Variants in ABL1 observed in about 807,000 individuals in gnomAD.
ABL1 encodes the protein ABL proto-oncogene 1, non-receptor tyrosine kinase.
ABL1 carries 11 observed loss-of-function variants against 94.7 expected under a neutral mutation model. The observed-to-expected ratio is 0.12, with a 90% CI of 0.07 to 0.19. The LOEUF (loss-of-function observed/expected upper bound fraction) is 0.19, where lower values mean the gene tolerates loss of function less well. ABL1 is among the 10% of genes least tolerant of loss of function. The probability of loss-of-function intolerance (pLI) is 1.00; values close to 1 mark genes in which losing one functional copy is unlikely to be tolerated. For synonymous variants in ABL1, 656 were observed against 622.4 expected (o/e 1.05, Z -0.80); for missense variants, 1,082 against 1,489.4 (o/e 0.73, Z 4.50).
intron 7 of ABL1, among the ~76,000 whole-genome samples, chr9:130,876,344 A>T (rs1403296708): frequency 2.0e-5 from 3 of 152,078 alleles, no homozygotes; most frequent in Non-Finnish European, 4.4e-5. Flanking sequence ...TTCATGTAGG[A>T]AGAGCAGGGT....
At chr9:130,740,814 C>T (rs535789529) in intron 1 of ABL1, among the ~76,000 whole-genome samples, 1 of 146,078 alleles carries the variant, frequency 6.8e-6, no homozygotes, top group South Asian at 2.2e-4. Context: ...CACCACCACA[C>T]CCAGATTTTT....
At chr9:130,838,889 T>C (rs1830627512) in intron 1 of ABL1, among the ~76,000 whole-genome samples, 1 of 152,158 alleles carries the variant, frequency 6.6e-6, no homozygotes. Context: ...AACTGAACTC[T>C]TCTTGAACTT....
chr9:130,817,606 T>C (rs561704733), intron 1 of ABL1, among the ~76,000 whole-genome samples: 35 of 152,348 alleles, frequency 2.3e-4, no homozygotes, highest in Non-Finnish European at 1.5e-4. Context: ...GTCTCCTTTG[T>C]TCAGTGTACT....
rs763425384 is a variant in ABL1 at position 130,884,619 on chromosome 9, C to A, written c.2329C>A (p.Arg777=). The A allele has an allele frequency of 5.0e-6, 8 of 1,613,330 alleles. No individual in the cohort carries two copies. The South Asian group carries it at 7.7e-5, about 15-fold the overall frequency. The part of the protein sequence containing the change: ...AGENRSDQVT[R]GTVTPPPRLV... The stretch of plus-strand genomic sequence containing the variant: ...GGAGAACAGGTCTGACCAGGTGACC[C>A]GAGGCACAGTAACGCCTCCCCCCAG... Residue 777 remains arginine (R), a synonymous_variant, in exon 11 of 11, where the codon CGA becomes AGA. Coordinates refer to ENST00000318560, the MANE Select transcript of ABL1 (RefSeq NM_005157.6). The surrounding 1 kb of genome is among the most constrained non-coding windows in gnomAD (Gnocchi z 5.6).
At chr9:130,869,284 C>T (rs914991994) in intron 4 of ABL1, among the ~76,000 whole-genome samples, 3 of 152,194 alleles carry the variant, frequency 2.0e-5, no homozygotes, top group Admixed American at 1.3e-4. Flanking sequence ...GCTATCTGTT[C>T]GGTCTACTCA....
intron 1 of ABL1, chr9:130,724,951 A>G (rs1831561860): frequency 3.0e-6 from 1 of 337,380 alleles, no homozygotes; most frequent in South Asian, 2.7e-5. Context: ...CATTTGCCAC[A>G]GGTAGACTTC....
chr9:130,806,128 C>T (rs1156475691), intron 1 of ABL1, among the ~76,000 whole-genome samples: 1 of 152,152 alleles, frequency 6.6e-6, no homozygotes, highest in Non-Finnish European at 1.5e-5. Flanking sequence ...CTCATGTCTA[C>T]AGAAGCTGGT....
Position 130,873,051 on chromosome 9 carries a change from C to T in ABL1, c.1085+14C>T. 2 of 1,609,764 alleles carry T rather than the reference C, an allele frequency of 1.2e-6. No individual in the cohort carries two copies. The highest frequency in any genetic ancestry group is 1.7e-6 in the Non-Finnish European group (2 of 1,177,476). On this transcript the variant is annotated intron_variant, in intron 6 of 10. Coordinates refer to ENST00000318560, the MANE Select transcript of ABL1 (RefSeq NM_005157.6). ...CTTCATCCACAGGTAGGGGCCTGGC[C>T]AGGCAGCCTGCGCCATGGAGTCACA... is the stretch of plus-strand genomic sequence containing the variant.
intron 1 of ABL1, among the ~76,000 whole-genome samples, chr9:130,808,236 TTCTTCTTCTTC>T (rs1320372378): frequency 1.8e-4 from 26 of 142,018 alleles, no homozygotes; most frequent in Admixed American, 4.9e-4. Flanking sequence ...CTTCTTCTTC[TTCTTCTTCTTC>T]TTTTTTTTTT....
At chr9:130,811,288 C>G (rs541769369) in intron 1 of ABL1, among the ~76,000 whole-genome samples, 130 of 152,034 alleles carry the variant, frequency 8.6e-4, no homozygotes, top group African/African-American at 2.9e-3. Flanking sequence ...GACCCTCTGT[C>G]TAAATAAACA....
chr9:130,751,488 T>C (rs1831966647), intron 1 of ABL1, among the ~76,000 whole-genome samples: 2 of 152,108 alleles, frequency 1.3e-5, no homozygotes, highest in African/African-American at 4.8e-5. Flanking sequence ...AGATATTATA[T>C]AGCTAACAGT....
intron 10 of ABL1, among the ~76,000 whole-genome samples, chr9:130,882,803 G>C (rs1451097902): frequency 6.6e-6 from 1 of 152,122 alleles, no homozygotes; most frequent in African/African-American, 2.4e-5. Flanking sequence ...CAAAGTGCTG[G>C]GATGACAGGC....
rs60571093 is a variant in ABL1, at chr9:130,727,751, G to GCC, written c.136+13307_136+13308dup. Among the ~76,000 whole-genome samples, 226 of 88,152 alleles carry GCC rather than the reference G, an allele frequency of 2.6e-3. 19 individuals carry two copies. Among genetic ancestry groups the GCC allele is most frequent in the African/African-American group, 8.2e-3 (111 of 13,612 alleles). The allele number at this position is 88,152 out of a possible 152,430, so 57.8% of individuals were successfully genotyped here. A position where few individuals can be genotyped will look rare whatever the true frequency, so the allele number is the denominator to read the frequency against. On this transcript the variant is annotated intron_variant, in intron 1 of 10. Transcript: ENST00000372348. ...AGCCTGGGTGACAGAGTGAGACACCGCCCCCCCCCCCCAAAAAAAAGCATT... is the reference window on the plus strand; with the variant it reads ...AGCCTGGGTGACAGAGTGAGACACCGCCCCCCCCCCCCCCAAAAAAAAGCATT...
At chr9:130,851,996 C>T (rs539424548) in intron 1 of ABL1, among the ~76,000 whole-genome samples, 1 of 152,018 alleles carries the variant, frequency 6.6e-6, no homozygotes, top group Admixed American at 6.6e-5. Context: ...CCAGGCTGGT[C>T]TCGAACTCCT....
At chr9:130,861,634 C>T (rs1368166894) in intron 3 of ABL1, among the ~76,000 whole-genome samples, 1 of 152,076 alleles carries the variant, frequency 6.6e-6, no homozygotes, top group Non-Finnish European at 1.5e-5. Context: ...CCTCTCGTCC[C>T]AAGCATCACC....
chr9:130,731,726 T>C (rs1831669085), intron 1 of ABL1, among the ~76,000 whole-genome samples: 1 of 152,214 alleles, frequency 6.6e-6, no homozygotes, highest in Non-Finnish European at 1.5e-5. Flanking sequence ...AATATTGTCT[T>C]GGCTTGCTCC....
Position 130,854,707 on chromosome 9 carries a change from T to C in ABL1, c.254-94T>C, listed in dbSNP as rs1830945854. On this transcript the variant is annotated intron_variant, in intron 2 of 10. Transcript: ENST00000318560. ...TTAAAATGAAATTGGTATTTAGGAA[T>C]TTGGAGATTTTTAGTAGTTACACAA... 9.2e-6 allele frequency: 12 copies of C among 1,301,940 alleles called. No individual in the cohort carries two copies. The South Asian group carries it at 1.6e-4, about 17-fold the overall frequency. The allele number at this position is 1,301,940 out of a possible 1,614,324, so 80.6% of individuals were successfully genotyped here. A position where few individuals can be genotyped will look rare whatever the true frequency, so the allele number is the denominator to read the frequency against.
chr9:130,814,235 C>T lies in ABL1; in HGVS notation c.137-39829C>T, dbSNP rs1830252022. Among the ~76,000 whole-genome samples, 3 of 151,536 alleles carry T rather than the reference C, an allele frequency of 2.0e-5. No homozygotes were observed. Among genetic ancestry groups the T allele is most frequent in the Non-Finnish European group, 2.9e-5 (2 of 67,936 alleles). On this transcript the variant is annotated intron_variant, in intron 1 of 10. Coordinates refer to the ABL1 transcript ENST00000372348. This position sits in a 1 kb window ranked among gnomAD's most constrained non-coding sequence, Gnocchi z 4.4. ...CAGGGAGTCGGAGGTTGCAGTGAAC[C>T]GAGATCGCGCCATTGCACTCCACCC...
At chr9:130,771,762 T>C (rs1458388568) in intron 1 of ABL1, among the ~76,000 whole-genome samples, 2 of 145,912 alleles carry the variant, frequency 1.4e-5, no homozygotes, top group African/African-American at 5.1e-5. Context: ...CTTTTTTTTT[T>C]TTTTTTTTTG....
Sources: gnomAD v4.1 joint callset for allele counts (sites outside exome capture counted in the v4.1 genomes callset) on GRCh38, gnomAD v4.1.1 for gene constraint, Gnocchi (gnomAD v3.1) non-coding constraint, MANE v1.5 for transcripts, NCBI Gene and HGNC (gene_info 2026-07-23, HGNC 2026-07-21) for gene names.